The following UST variants were observed in gnomAD, a reference collection of about 807,000 sequenced individuals.
UST encodes the protein chondroitin sulfate 2-O-sulfotransferase.
Under a neutral mutation model 45.6 loss-of-function variants are expected in UST, and 21 were observed. That is an observed-to-expected ratio of 0.46 (90% CI 0.33 to 0.66). The LOEUF is 0.66. Among genes scored for constraint, UST ranks in the 30% least tolerant of loss-of-function variants. The pLI, the probability that UST is intolerant of heterozygous loss-of-function variation, is 0.02. For synonymous variants in UST, 215 were observed against 200.6 expected (o/e 1.07, Z -0.61); for missense variants, 463 against 512.4 (o/e 0.90, Z 0.93).
chr6:148,916,386 G>T (rs1301017925), intron 2 of UST, among the ~76,000 whole-genome samples: 1 of 152,206 alleles, frequency 6.6e-6, no homozygotes, highest in Non-Finnish European at 1.5e-5. Flanking sequence ...TTTGCAAATT[G>T]TGAAGGGAAG....
At chr6:148,768,923 T>C (rs1351404366) in intron 1 of UST, among the ~76,000 whole-genome samples, 5 of 152,258 alleles carry the variant, frequency 3.3e-5, no homozygotes, top group Non-Finnish European at 5.9e-5. Context: ...ACAGATGCCC[T>C]TGTTCCTGGA....
intron 1 of UST, among the ~76,000 whole-genome samples, chr6:148,820,204 T>A (rs1252512968): frequency 6.6e-6 from 1 of 152,184 alleles, no homozygotes; most frequent in African/African-American, 2.4e-5. Flanking sequence ...CAGAAATAAT[T>A]ACAAACTTAT....
chr6:148,920,884 T>C (rs1779691575), intron 2 of UST, among the ~76,000 whole-genome samples: 1 of 152,216 alleles, frequency 6.6e-6, no homozygotes, highest in Non-Finnish European at 1.5e-5. Flanking sequence ...TTATTTTTAA[T>C]AAATCTCTGT....
At chr6:148,766,118 G>T (rs7754504) in intron 1 of UST, among the ~76,000 whole-genome samples, 77,661 of 151,958 alleles carry the variant, frequency 0.51, 20,565 homozygotes, top group African/African-American at 0.63. Context: ...GTATGGTTTT[G>T]GTTAGGCTTA....
At chr6:148,896,293 A>G (rs1222167150) in intron 2 of UST, among the ~76,000 whole-genome samples, 1 of 152,268 alleles carries the variant, frequency 6.6e-6, no homozygotes, top group Non-Finnish European at 1.5e-5. Context: ...CCTATTTTTC[A>G]GGATATAGAC....
At chr6:149,064,944 G>A (rs904001172) in intron 7 of UST, among the ~76,000 whole-genome samples, 14 of 151,684 alleles carry the variant, frequency 9.2e-5, no homozygotes, top group Admixed American at 2.0e-4. Context: ...CTGCCAGTCC[G>A]ATCTTGGGCT....
intron 1 of UST, among the ~76,000 whole-genome samples, chr6:148,852,036 G>A (rs559870987): frequency 2.4e-4 from 37 of 152,278 alleles, no homozygotes; most frequent in African/African-American, 8.2e-4. Flanking sequence ...TGATGTCTGG[G>A]TACTGATTTA....
At chr6:148,935,890 T>C (rs894763297) in intron 2 of UST, among the ~76,000 whole-genome samples, 1 of 152,192 alleles carries the variant, frequency 6.6e-6, no homozygotes, top group African/African-American at 2.4e-5. Context: ...CACTTAAGCC[T>C]TCTGGGGACT....
intron 1 of UST, among the ~76,000 whole-genome samples, chr6:148,769,669 A>T (rs2114670998): frequency 6.6e-6 from 1 of 152,342 alleles, no homozygotes; most frequent in East Asian, 1.9e-4. Context: ...ATACACATAC[A>T]TGTCTTCAGT....
chr6:148,986,740 C>A (rs947995072), intron 5 of UST, among the ~76,000 whole-genome samples: 2 of 152,244 alleles, frequency 1.3e-5, no homozygotes, highest in African/African-American at 4.8e-5. Context: ...AACCACCCTC[C>A]TCCTCGGAAT....
At chr6:148,882,558 A>G (rs1265889148) in intron 1 of UST, among the ~76,000 whole-genome samples, 2 of 151,402 alleles carry the variant, frequency 1.3e-5, no homozygotes, top group Non-Finnish European at 2.9e-5. Flanking sequence ...AGTCTTCTAC[A>G]GTGAAGGAAT....
intron 1 of UST, among the ~76,000 whole-genome samples, chr6:148,766,855 T>G (rs1776334746): frequency 6.6e-6 from 1 of 151,884 alleles, no homozygotes; most frequent in Non-Finnish European, 1.5e-5. Flanking sequence ...GGTCGGAGAG[T>G]TTTGTTTGTG....
intron 1 of UST, among the ~76,000 whole-genome samples, chr6:148,780,775 C>G (rs1434929992): frequency 6.6e-6 from 1 of 152,112 alleles, no homozygotes; most frequent in Non-Finnish European, 1.5e-5. Flanking sequence ...CTTAGTGCCT[C>G]TGTATCATAT....
In UST at chr6:148,778,250, C is replaced by G. The variant is rs548939066; in HGVS notation, c.247+30573C>G. Among the ~76,000 whole-genome samples, 9 of 152,272 alleles carry G rather than the reference C, an allele frequency of 5.9e-5. No individual in the cohort carries two copies. The South Asian group carries it at 1.9e-3, about 32-fold the overall frequency. ...TTTCCTGGAGTACAGAGCCCTAGTT[C>G]CAAATTTTTTTCCAAGGCCACTCAG... On this transcript the variant is annotated intron_variant, in intron 1 of 7. Coordinates refer to ENST00000367463, the MANE Select transcript of UST (RefSeq NM_005715.3).
intron 5 of UST, among the ~76,000 whole-genome samples, chr6:148,979,026 A>G (rs1781078786): frequency 6.6e-6 from 1 of 152,166 alleles, no homozygotes; most frequent in South Asian, 2.1e-4. Flanking sequence ...CTAGTAATAG[A>G]AAAACCTAAG....
chr6:148,905,325 CT>C (rs1779335703), intron 2 of UST, among the ~76,000 whole-genome samples: 1 of 152,224 alleles, frequency 6.6e-6, no homozygotes, highest in Non-Finnish European at 1.5e-5. Flanking sequence ...TCCTCTGCCC[CT>C]GAAGCCTAAA....
intron 5 of UST, among the ~76,000 whole-genome samples, chr6:148,997,932 G>T (rs1035856530): frequency 3.9e-5 from 6 of 152,166 alleles, no homozygotes; most frequent in African/African-American, 1.4e-4. Context: ...AGAAGCTGTG[G>T]GCTGGCCTAA....
intron 1 of UST, among the ~76,000 whole-genome samples, chr6:148,793,288 GT>G (rs1776886207): frequency 1.3e-5 from 2 of 151,064 alleles, no homozygotes; most frequent in Non-Finnish European, 3.0e-5. Flanking sequence ...AAAAAAAAAA[GT>G]TACTAAAAAT....
chr6:148,914,811 A>G (rs915978382), intron 2 of UST, among the ~76,000 whole-genome samples: 1 of 152,186 alleles, frequency 6.6e-6, no homozygotes, highest in African/African-American at 2.4e-5. Flanking sequence ...AACTAAATAT[A>G]TAAAATCTAA....
Sources: gnomAD v4.1 joint callset for allele counts (sites outside exome capture counted in the v4.1 genomes callset) on GRCh38, gnomAD v4.1.1 for gene constraint, MANE v1.5 for transcripts, NCBI Gene and HGNC (gene_info 2026-07-23, HGNC 2026-07-21) for gene names.